USP34: variants seen among roughly 807,000 people sequenced by gnomAD.
USP34 encodes ubiquitin specific peptidase 34, also known as ubiquitin carboxyl-terminal hydrolase 34.
USP34 carries 70 observed loss-of-function variants against 460.3 expected under a neutral mutation model. The ratio of observed to expected loss-of-function variants is 0.15; its 90% CI spans 0.13 to 0.19. The LOEUF is 0.19. Ranked by LOEUF, USP34 falls within the 10% of genes least tolerant of loss-of-function variation. USP34 has a pLI of 1.00. For missense variants in USP34, 3,985 were observed against 4,236.2 expected (o/e 0.94, Z 1.65); for synonymous variants, 1,647 against 1,405.3 (o/e 1.17, Z -3.85).
chr2:61,347,573 C>G (rs1691809920), intron 15 of USP34, among the ~76,000 whole-genome samples: 1 of 152,106 alleles, frequency 6.6e-6, no homozygotes, highest in Admixed American at 6.5e-5. Flanking sequence ...GGGGTTTCAC[C>G]ATGTTGTTCA....
At chr2:61,292,492 T>C (rs1689888536) in intron 33 of USP34, among the ~76,000 whole-genome samples, 1 of 152,130 alleles carries the variant, frequency 6.6e-6, no homozygotes, top group African/African-American at 2.4e-5. Context: ...TACGGGGGTG[T>C]CCAATCTTTT....
chr2:61,273,911 A>G (rs1408779352), intron 41 of USP34, among the ~76,000 whole-genome samples: 3 of 152,182 alleles, frequency 2.0e-5, no homozygotes, highest in Non-Finnish European at 2.9e-5. Flanking sequence ...AACTGGGTAC[A>G]TATCTGAAAA....
chr2:61,237,986 T>C (rs1366472466), intron 53 of USP34, among the ~76,000 whole-genome samples: 3 of 151,772 alleles, frequency 2.0e-5, no homozygotes, highest in Admixed American at 2.0e-4. Context: ...AATCTCCACC[T>C]CCAGGTTCAA....
Position 61,246,106 on chromosome 2 carries a change from G to A in USP34, c.6548+218C>T, listed in dbSNP as rs376820320. ...CTCCTAAAGTTGTCTGCAAAACTGTGTTCATTTCTCCAAGGAAAGGATTCA... is the reference window on the plus strand; with the variant it reads ...CTCCTAAAGTTGTCTGCAAAACTGTATTCATTTCTCCAAGGAAAGGATTCA... On this transcript the variant is annotated intron_variant, in intron 50 of 79. Transcript: ENST00000398571. Among the ~76,000 whole-genome samples the A allele has an allele frequency of 4.1e-4, 62 of 152,304 alleles. 1 individual carries two copies. In the South Asian group the frequency reaches 0.012, roughly 28 times the overall value.
intron 20 of USP34, among the ~76,000 whole-genome samples, chr2:61,329,695 A>G (rs1167255718): frequency 6.6e-6 from 1 of 152,210 alleles, no homozygotes; most frequent in African/African-American, 2.4e-5. Flanking sequence ...GAATTCTTGT[A>G]TATTTCATAT....
intron 1 of USP34, among the ~76,000 whole-genome samples, chr2:61,443,695 G>A (rs968200278): frequency 6.6e-6 from 1 of 152,168 alleles, no homozygotes; most frequent in Non-Finnish European, 1.5e-5. Context: ...AATGGGTAGG[G>A]CACACAGGAT....
intron 61 of USP34, among the ~76,000 whole-genome samples, chr2:61,228,424 C>T (rs1329700712): frequency 6.6e-6 from 1 of 152,136 alleles, no homozygotes; most frequent in Non-Finnish European, 1.5e-5. Context: ...TGCTTTGTTC[C>T]AGACCTTACC....
intron 34 of USP34, among the ~76,000 whole-genome samples, chr2:61,286,649 C>T (rs894459514): frequency 6.6e-6 from 1 of 151,280 alleles, no homozygotes; most frequent in Non-Finnish European, 1.5e-5. Context: ...AGCTAGGCTC[C>T]GTCTCAAAAA....
At position 61,266,124 on chromosome 2, in the gene USP34, C is replaced by G. The variant is rs1572884897; in HGVS notation, c.5477G>C (p.Ser1826Thr). 1 of 1,613,094 alleles carries G rather than the reference C, an allele frequency of 6.2e-7. No homozygotes were observed. Among genetic ancestry groups the G allele is most frequent in the Non-Finnish European group, 8.5e-7 (1 of 1,179,366 alleles). The change falls in exon 42 of 80, where the codon AGT becomes ACT. Residue 1826 changes from serine (S) to threonine (T), a missense_variant. Ser to Thr is a moderately conservative substitution (Grantham distance 58, BLOSUM62 1). Transcript: ENST00000398571. ...CTTTGGCTGTTGTCGGTCCTTTAGA[C>G]TTGGCAACAAAAACAGGAGATTGAA... ...DIFNLLFLLP[S>T]LKDRQQPKCK...
intron 57 of USP34, among the ~76,000 whole-genome samples, chr2:61,234,281 C>T (rs1011445444): frequency 7.9e-5 from 12 of 152,242 alleles, no homozygotes; most frequent in African/African-American, 2.7e-4. Context: ...ATATACCAGA[C>T]TGCTATTCCC....
intron 3 of USP34, among the ~76,000 whole-genome samples, chr2:61,396,311 A>G (rs987131309): frequency 1.1e-4 from 16 of 152,160 alleles, no homozygotes; most frequent in African/African-American, 3.9e-4. Context: ...ATTTGGCAAT[A>G]TCCTTCAATA....
intron 69 of USP34, among the ~76,000 whole-genome samples, chr2:61,211,454 G>C (rs1041861183): frequency 8.5e-5 from 13 of 152,204 alleles, no homozygotes; most frequent in South Asian, 2.1e-4. Context: ...CAAAGGTGCA[G>C]AAAACTTCCT....
chr2:61,304,837 T>C (rs1690350827), intron 27 of USP34, among the ~76,000 whole-genome samples: 2 of 152,250 alleles, frequency 1.3e-5, no homozygotes, highest in African/African-American at 4.8e-5. Context: ...TTCTATCTTT[T>C]ACTACTTTTG....
At chr2:61,218,711 C>T (rs535832445) in intron 67 of USP34, among the ~76,000 whole-genome samples, 8 of 151,902 alleles carry the variant, frequency 5.3e-5, no homozygotes, top group East Asian at 1.9e-4. Context: ...GAATACTGGT[C>T]GGGTATTTCA....
chr2:61,236,098 AG>A, intron 55 of USP34, 25 bp from the exon 56 acceptor site: 2 of 1,596,186 alleles, frequency 1.3e-6, no homozygotes, highest in Non-Finnish European at 1.7e-6. Context: ...AAAGCAAAAA[AG>A]CTTCAATCAT....
chr2:61,199,355 A>C (rs1686902390), intron 75 of USP34, among the ~76,000 whole-genome samples: 1 of 152,074 alleles, frequency 6.6e-6, no homozygotes, highest in Non-Finnish European at 1.5e-5. Context: ...TCCCAGGCTC[A>C]AGCGATTCTC....
intron 62 of USP34, among the ~76,000 whole-genome samples, chr2:61,225,721 C>T (rs1332790309): frequency 6.6e-6 from 1 of 152,194 alleles, no homozygotes. Context: ...CTGTGAGCCT[C>T]TGGTAATATT....
At chr2:61,221,168 T>C (rs1268465551) in intron 66 of USP34, among the ~76,000 whole-genome samples, 1 of 152,156 alleles carries the variant, frequency 6.6e-6, no homozygotes, top group African/African-American at 2.4e-5. Context: ...CAGCAGTAAC[T>C]CTGGAAGCAA....
Position 61,187,696 on chromosome 2 carries a change from TAAG to T in USP34, c.*403_*405del, listed in dbSNP as rs1214810922. Reference sequence around the variant, plus strand: ...ATACAAGTAAACTTAATTTTGATAATAAGAACCACAGCGATCGGAGGCAATCTG... The same window carrying T: ...ATACAAGTAAACTTAATTTTGATAATAACCACAGCGATCGGAGGCAATCTG... On this transcript the variant is annotated 3_prime_UTR_variant, in exon 80 of 80. Coordinates refer to ENST00000398571, the MANE Select transcript of USP34 (RefSeq NM_014709.4). 8 of 499,042 alleles carry T rather than the reference TAAG, an allele frequency of 1.6e-5. No homozygotes were observed. The highest frequency in any genetic ancestry group is 2.9e-4 in the East Asian group (2 of 6,906). 30.9% of individuals were successfully genotyped at this position (499,042 alleles called of 1,614,324 possible).
Sources: gnomAD v4.1 joint callset for allele counts (sites outside exome capture counted in the v4.1 genomes callset) on GRCh38, gnomAD v4.1.1 for gene constraint, MANE v1.5 for transcripts, NCBI Gene and HGNC (gene_info 2026-07-23, HGNC 2026-07-21) for gene names.